The following PARP14 variants were observed in gnomAD, a reference collection of about 807,000 sequenced individuals.
PARP14 encodes the protein protein mono-ADP-ribosyltransferase PARP14.
In PARP14, 59 loss-of-function variants were observed where a neutral mutation model predicts 154.2. The observed-to-expected ratio is 0.38, with a 90% CI of 0.31 to 0.48. PARP14 has a LOEUF of 0.48. Among genes scored for constraint, PARP14 ranks in the 20% least tolerant of loss-of-function variants. The pLI is 0.98. For synonymous variants in PARP14, 720 were observed against 780.5 expected (o/e 0.92, Z 1.29); for missense variants, 1,734 against 2,131.6 (o/e 0.81, Z 3.67).
At chr3:122,714,079 G>A in intron 11 of PARP14, 145 bp downstream of exon 11, 1 of 770,626 alleles carries the variant, frequency 1.3e-6, no homozygotes, top group Non-Finnish European at 2.1e-6. Context: ...CAGACACTTA[G>A]AAGTGAAAAG....
chr3:122,686,825 G>A (rs1262355971), intron 2 of PARP14: 2 of 447,184 alleles, frequency 4.5e-6, no homozygotes, highest in Admixed American at 4.0e-5. Flanking sequence ...GATGTAGGAT[G>A]TACCTCATAT....
chr3:122,713,752 C>T, intron 10 of PARP14, 120 bp from the exon 11 acceptor site: 3 of 869,544 alleles, frequency 3.5e-6, no homozygotes, highest in Non-Finnish European at 5.6e-6. Flanking sequence ...TTGTCATCAG[C>T]AATACCCAAT....
chr3:122,685,300 A>C lies in PARP14; in HGVS notation c.303A>C (p.Glu101Asp), dbSNP rs1938336917. The C allele has an allele frequency of 3.1e-6, 5 of 1,613,724 alleles. No individual in the cohort carries two copies. Among genetic ancestry groups the C allele is most frequent in the Non-Finnish European group, 4.2e-6 (5 of 1,179,848 alleles). ...CAGATGAAATCGATCATGTCTTTGA[A>C]GAGGAACTTCTAACAAAAGCAAGTA... Reference protein sequence around the residue: ...ATPDEIDHVFEEELLTKESKT... With the variant: ...ATPDEIDHVFDEELLTKESKT... Residue 101 changes from glutamate (E) to aspartate (D), a missense_variant, in exon 2 of 17, where the codon GAA (glutamate) becomes GAC (aspartate). Physicochemically the swap from Glu to Asp is conservative, Grantham distance 45 (BLOSUM62 2). Transcript: ENST00000474629.
Position 122,728,655 on chromosome 3 carries a change from C to G in PARP14, c.*58C>G. ...CATTTGTACATATCTAGTTGTAAAA[C>G]AAGTTTTAGCTTTTTTTTTTAATTC... On this transcript the variant is annotated 3_prime_UTR_variant, in exon 17 of 17. Coordinates refer to ENST00000474629, the MANE Select transcript of PARP14 (RefSeq NM_017554.3). The G allele has an allele frequency of 7.5e-7, 1 of 1,340,220 alleles. No individual in the cohort carries two copies. The highest frequency in any genetic ancestry group is 1.0e-6 in the Non-Finnish European group (1 of 968,858). The allele number at this position is 1,340,220 out of a possible 1,614,324, so 83.0% of individuals were successfully genotyped here. A position where few individuals can be genotyped will look rare whatever the true frequency, so the allele number is the denominator to read the frequency against.
chr3:122,705,429 A>T (rs1939124717), intron 8 of PARP14, among the ~76,000 whole-genome samples: 1 of 152,222 alleles, frequency 6.6e-6, no homozygotes, highest in Non-Finnish European at 1.5e-5. Flanking sequence ...AAGATGTCAG[A>T]AGGTGTGGTT....
chr3:122,683,908 G>A (rs1163193025), intron 1 of PARP14, among the ~76,000 whole-genome samples: 1 of 152,196 alleles, frequency 6.6e-6, no homozygotes, highest in East Asian at 1.9e-4. Flanking sequence ...TTAGCTTGTT[G>A]TCAGGCTGCA....
chr3:122,700,065 T>A lies in PARP14; in HGVS notation c.1511T>A (p.Val504Asp), dbSNP rs372560983. Residue 504 changes from valine to aspartate, a missense_variant, in exon 6 of 17, where the codon GTC (valine) becomes GAC (aspartate). Coordinates refer to ENST00000474629, the MANE Select transcript of PARP14 (RefSeq NM_017554.3). ...CPEIEICYDR[V>D]TQHLCLKGPS... ...GAGATAGAGATTTGTTACGATAGAG[T>A]CACTCAACACTTGTGCTTGAAAGGA... 2.1e-5 allele frequency: 34 copies of A among 1,613,638 alleles called. No homozygotes were observed. In the African/African-American group the frequency reaches 4.0e-4, roughly 19 times the overall value.
chr3:122,707,823 C>A (rs1164144911), intron 8 of PARP14, among the ~76,000 whole-genome samples: 3 of 152,140 alleles, frequency 2.0e-5, no homozygotes, highest in African/African-American at 7.2e-5. Context: ...TTAAAAAATT[C>A]TTTGAAAATA....
Position 122,716,390 on chromosome 3 carries a change from G to T in PARP14, c.4001-1681G>T, listed in dbSNP as rs999600275. ...TCATTAGCTTAGGAATTATTTGATT[G>T]AATATTTACTGAGTGCCTGCATCTG... On this transcript the variant is annotated intron_variant, in intron 12 of 16. Transcript: ENST00000474629. Among the ~76,000 whole-genome samples, 6 of 152,144 alleles carry T rather than the reference G, an allele frequency of 3.9e-5. No homozygotes were observed. In the South Asian group the frequency reaches 1.0e-3, roughly 26 times the overall value.
rs549147285 is a variant in PARP14 at position 122,690,915 on chromosome 3, G to A, written c.356-1386G>A. 1.3e-5 allele frequency among the ~76,000 whole-genome samples: 2 copies of A among 152,276 alleles called. 1 individual carries two copies. Among genetic ancestry groups the A allele is most frequent in the South Asian group, 4.1e-4 (2 of 4,822 alleles). On this transcript the variant is annotated intron_variant, in intron 3 of 16. Transcript: ENST00000474629. ...TTCATGTGGTCATTCAGGGACCCAG[G>A]CTCCTTCCACCCTTTGACACCATTA...
At chr3:122,685,058 A>G (rs1408967931) in intron 1 of PARP14, 127 bp from the exon 2 acceptor site, 2 of 934,718 alleles carry the variant, frequency 2.1e-6, no homozygotes, top group Non-Finnish European at 3.2e-6. Flanking sequence ...TACTTCACAT[A>G]TAGCCTCTCT....
chr3:122,720,192 A>G (rs1326430663), intron 14 of PARP14, 63 bp from the exon 15 acceptor site: 3 of 1,504,170 alleles, frequency 2.0e-6, no homozygotes, highest in Non-Finnish European at 2.7e-6. Flanking sequence ...AAGAACACAG[A>G]TACTAAATGT....
Position 122,720,349 on chromosome 3 carries a change from C to G in PARP14, c.4902C>G (p.Ser1634Arg), listed in dbSNP as rs1933132001. ...PSDPEYNTVA[S>R]KFNQTCSHFR... Reference sequence around the variant, plus strand: ...ATCCTGAGTACAACACGGTGGCAAGCAAGTTTAATCAGACCTGCTCACACT... The same window carrying G: ...ATCCTGAGTACAACACGGTGGCAAGGAAGTTTAATCAGACCTGCTCACACT... The change falls in exon 15 of 17, where the codon AGC becomes AGG. Residue 1634 changes from serine (S) to arginine (R), a missense_variant. By Grantham distance (110) the Ser-to-Arg change is moderately radical. This residue lies in a region of PARP14 where 1,646 missense variants were observed against 1,976.0 expected (regional missense o/e 0.83). Transcript: ENST00000474629. The G allele has an allele frequency of 6.2e-7, 1 of 1,612,990 alleles. No homozygotes were observed.
In PARP14 at chr3:122,704,520, G is replaced by A. The variant is rs369281601; in HGVS notation, c.3319-7G>A. 219 of 1,551,532 alleles carry A rather than the reference G, an allele frequency of 1.4e-4. 1 individual carries two copies. The highest frequency in any genetic ancestry group is 6.1e-4 in the South Asian group (53 of 86,778). On this transcript the variant is annotated splice_region_variant and splice_polypyrimidine_tract_variant and intron_variant, in intron 7 of 16. Coordinates refer to ENST00000474629, the MANE Select transcript of PARP14 (RefSeq NM_017554.3). ...AGATGTATAAGGATGTGCTTTGTGCGTTTCAGATAATGGAAGACATAATCA... is the reference window on the plus strand; with the variant it reads ...AGATGTATAAGGATGTGCTTTGTGCATTTCAGATAATGGAAGACATAATCA...
chr3:122,704,013 G>C (rs1939069405), intron 7 of PARP14, 35 bp downstream of exon 7: 1 of 1,478,222 alleles, frequency 6.8e-7, no homozygotes, highest in African/African-American at 1.4e-5. Flanking sequence ...ATGAAGTTGG[G>C]TAGCCCTTTG....
Position 122,700,602 on chromosome 3 carries a change from T to C in PARP14, c.2048T>C (p.Ile683Thr), listed in dbSNP as rs766587853. ...RLVEVKPSLV[I>T]DYLKTEKKLF... Reference sequence around the variant, plus strand: ...GTTGAAGTAAAGCCTTCCTTAGTTATTGACTATTTAAAGACAGAAAAGAAG... The same window carrying C: ...GTTGAAGTAAAGCCTTCCTTAGTTACTGACTATTTAAAGACAGAAAAGAAG... Residue 683 changes from isoleucine to threonine, a missense_variant, in exon 6 of 17, where the codon ATT becomes ACT. This residue lies in a region of PARP14 where 1,646 missense variants were observed against 1,976.0 expected (regional missense o/e 0.83). Transcript: ENST00000474629. The C allele has an allele frequency of 1.9e-6, 3 of 1,599,800 alleles. No individual in the cohort carries two copies. Among genetic ancestry groups the C allele is most frequent in the Non-Finnish European group, 2.6e-6 (3 of 1,172,436 alleles).
chr3:122,703,630 G>A (rs1047597555), intron 6 of PARP14, 112 bp from the exon 7 acceptor site: 34 of 618,470 alleles, frequency 5.5e-5, no homozygotes, highest in Middle Eastern at 7.2e-4. Flanking sequence ...CACTGAAACC[G>A]TAGTCATCTT....
rs567833778 is a variant in PARP14 at position 122,730,228 on chromosome 3, C to T, written c.*1631C>T. ...TGATGTCAAGCCCATTGCTCTCCCA[C>T]TGCAGAACATGGCCTCTAGATTAAT... On this transcript the variant is annotated 3_prime_UTR_variant, in exon 17 of 17. Transcript: ENST00000474629. 94 of 152,370 alleles carry T rather than the reference C, an allele frequency of 6.2e-4. No homozygotes were observed. The highest frequency in any genetic ancestry group is 2.1e-3 in the African/African-American group (87 of 41,574). 9.4% of individuals were successfully genotyped at this position (152,370 alleles called of 1,614,324 possible).
At position 122,718,440 on chromosome 3, in the gene PARP14, G is replaced by A. The variant is rs1392497131; in HGVS notation, c.4289G>A (p.Arg1430Gln). The change falls in exon 14 of 17, where the codon CGG becomes CAG. Residue 1430 changes from arginine (R) to glutamine (Q), a missense_variant. By Grantham distance (43) the Arg-to-Gln change is conservative (BLOSUM62 1). This residue lies in a region of PARP14 where 1,646 missense variants were observed against 1,976.0 expected (regional missense o/e 0.83). Transcript: ENST00000474629. ...AAGAAAACAGAATCAGCAACTTTTCGGGTGTGTGGTGAAAATGTCACGTGT... is the reference window on the plus strand; with the variant it reads ...AAGAAAACAGAATCAGCAACTTTTCAGGTGTGTGGTGAAAATGTCACGTGT... ...LEKKTESATF[R>Q]VCGENVTCVE... is the part of the protein sequence containing the mutation. 6.8e-6 allele frequency: 11 copies of A among 1,613,790 alleles called. No individual in the cohort carries two copies. The highest frequency in any genetic ancestry group is 6.7e-5 in the East Asian group (3 of 44,888).
Sources: allele counts gnomAD v4.1 joint callset (sites outside exome capture counted in the v4.1 genomes callset), GRCh38; gene constraint gnomAD v4.1.1; regional missense constraint gnomAD v4.1.1; transcripts MANE v1.5; gene names NCBI Gene and HGNC (gene_info 2026-07-23, HGNC 2026-07-21).